The following ZNF804B variants were observed in gnomAD, a reference collection of about 807,000 sequenced individuals.
ZNF804B encodes the protein zinc finger protein 804B.
In ZNF804B, 80 loss-of-function variants were observed where a neutral mutation model predicts 101.4. That is an observed-to-expected ratio of 0.79 (90% CI 0.66 to 0.95). The LOEUF is 0.95. Ranked by LOEUF, ZNF804B falls within the 40% of genes least tolerant of loss-of-function variation. The pLI, the probability that ZNF804B is intolerant of heterozygous loss-of-function variation, is 0.00. For missense variants in ZNF804B, 1,673 were observed against 1,561.9 expected, an observed-to-expected ratio of 1.07 and a Z score of -1.20; for synonymous variants, 622 against 558.8, an observed-to-expected ratio of 1.11 and a Z score of -1.59.
intron 1 of ZNF804B, among the ~76,000 whole-genome samples, chr7:89,208,341 C>T (rs1377633280): frequency 2.6e-5 from 4 of 152,138 alleles, no homozygotes; most frequent in African/African-American, 9.7e-5. Context: ...CTTGGCCTCC[C>T]AGAGTGCTGG....
intron 1 of ZNF804B, among the ~76,000 whole-genome samples, chr7:88,854,455 C>CTT (rs1391710100): frequency 6.6e-5 from 8 of 121,762 alleles, no homozygotes; most frequent in African/African-American, 2.8e-4. Context: ...TTCTTTCTTT[C>CTT]TTTCTTTCTT....
intron 1 of ZNF804B, among the ~76,000 whole-genome samples, chr7:88,893,442 T>C (rs1792241703): frequency 6.6e-6 from 1 of 152,106 alleles, no homozygotes; most frequent in African/African-American, 2.4e-5. Context: ...TGTATGTATT[T>C]AATAAATACA....
intron 1 of ZNF804B, among the ~76,000 whole-genome samples, chr7:89,208,511 A>G (rs1788751838): frequency 6.6e-6 from 1 of 152,222 alleles, no homozygotes; most frequent in Non-Finnish European, 1.5e-5. Flanking sequence ...CTTCCATTAG[A>G]CAGATAAGCA....
chr7:89,130,542 A>G (rs1219248928), intron 1 of ZNF804B, among the ~76,000 whole-genome samples: 1 of 151,840 alleles, frequency 6.6e-6, no homozygotes, highest in Non-Finnish European at 1.5e-5. Flanking sequence ...TGAATCTTCT[A>G]TTTCTCCTTG....
intron 2 of ZNF804B, among the ~76,000 whole-genome samples, chr7:89,313,544 T>C (rs2115951057): frequency 6.6e-6 from 1 of 152,320 alleles, no homozygotes; most frequent in African/African-American, 2.4e-5. Context: ...ACATAGAGAC[T>C]TACTGGCCTG....
intron 1 of ZNF804B, among the ~76,000 whole-genome samples, chr7:88,795,353 T>TA (rs76094001): frequency 0.016 from 2,418 of 151,784 alleles, 53 homozygotes; most frequent in Admixed American, 0.044. Flanking sequence ...CTATAACTTT[T>TA]AAAAAAAAAT....
intron 1 of ZNF804B, among the ~76,000 whole-genome samples, chr7:89,107,354 T>G (rs904416959): frequency 2.6e-5 from 4 of 152,126 alleles, no homozygotes; most frequent in African/African-American, 4.8e-5. Context: ...CTAGATACAT[T>G]AGTAATAGTT....
chr7:89,177,878 TGA>T (rs1319358677), intron 1 of ZNF804B, among the ~76,000 whole-genome samples: 1 of 151,276 alleles, frequency 6.6e-6, no homozygotes, highest in Admixed American at 6.6e-5. Context: ...GAGCTTACAG[TGA>T]GCCGACACAG....
chr7:88,940,070 T>C (rs1403023374), intron 1 of ZNF804B, among the ~76,000 whole-genome samples: 1 of 152,044 alleles, frequency 6.6e-6, no homozygotes, highest in Non-Finnish European at 1.5e-5. Context: ...GAACTCTTTA[T>C]TCTTTTTAAG....
chr7:89,133,102 T>G (rs1790577101), intron 1 of ZNF804B, among the ~76,000 whole-genome samples: 1 of 151,906 alleles, frequency 6.6e-6, no homozygotes, highest in Admixed American at 6.6e-5. Flanking sequence ...ATTTACTGGA[T>G]GGGTTTGAAG....
intron 1 of ZNF804B, chr7:88,794,628 G>A (rs1471819486): frequency 5.6e-6 from 9 of 1,613,644 alleles, no homozygotes; most frequent in Non-Finnish European, 7.6e-6. Context: ...TGTAGAGAGT[G>A]TCGCTGGAGG....
intron 1 of ZNF804B, among the ~76,000 whole-genome samples, chr7:89,017,862 T>A (rs1187206431): frequency 6.6e-6 from 1 of 152,148 alleles, no homozygotes; most frequent in Non-Finnish European, 1.5e-5. Flanking sequence ...GTTGGTTGAT[T>A]TTTTTCTTCT....
In ZNF804B at chr7:88,947,368, A is replaced by G. The variant is rs567734507; in HGVS notation, c.108+187284A>G. Among the ~76,000 whole-genome samples the G allele has an allele frequency of 4.7e-4, 72 of 152,120 alleles. 1 individual carries two copies. In the South Asian group the frequency reaches 0.015, roughly 32 times the overall value. ...GGATGAATTCATGTCTTTTGCAGGG[A>G]CATGGATGAAGCTGGAAACCATGGT... On this transcript the variant is annotated intron_variant, in intron 1 of 3. Coordinates refer to ENST00000333190, the MANE Select transcript of ZNF804B (RefSeq NM_181646.5).
intron 1 of ZNF804B, among the ~76,000 whole-genome samples, chr7:89,017,675 T>C (rs1788591443): frequency 6.6e-6 from 1 of 152,188 alleles, no homozygotes; most frequent in African/African-American, 2.4e-5. Context: ...TCTGTTATTT[T>C]TGTGTGTTCA....
chr7:89,027,502 A>G (rs1051403716), intron 1 of ZNF804B, among the ~76,000 whole-genome samples: 1 of 152,200 alleles, frequency 6.6e-6, no homozygotes, highest in African/African-American at 2.4e-5. Flanking sequence ...TTTCCACCCT[A>G]CAAGAAGCTA....
At chr7:89,039,960 C>A (rs1296225182) in intron 1 of ZNF804B, among the ~76,000 whole-genome samples, 1 of 151,968 alleles carries the variant, frequency 6.6e-6, no homozygotes, top group East Asian at 1.9e-4. Flanking sequence ...TGATGATGAT[C>A]TGTTTATGTT....
At chr7:88,760,902 A>C (rs1221532109) in intron 1 of ZNF804B, among the ~76,000 whole-genome samples, 1 of 49,198 alleles carries the variant, frequency 2.0e-5, no homozygotes, top group East Asian at 8.2e-4. Context: ...TATATAATAA[A>C]TATATATATA....
chr7:89,243,832 T>A (rs1054249721), intron 2 of ZNF804B, among the ~76,000 whole-genome samples: 17 of 151,912 alleles, frequency 1.1e-4, no homozygotes, highest in Admixed American at 7.2e-4. Context: ...CAAAAGTTCA[T>A]GTGGTAAATA....
chr7:89,226,585 A>C (rs963896054), intron 2 of ZNF804B, among the ~76,000 whole-genome samples: 2 of 152,082 alleles, frequency 1.3e-5, no homozygotes, highest in African/African-American at 4.8e-5. Flanking sequence ...AATGTTTACT[A>C]TCCAATCACA....
Sources: gnomAD v4.1 joint callset for allele counts (sites outside exome capture counted in the v4.1 genomes callset) on GRCh38, gnomAD v4.1.1 for gene constraint, MANE v1.5 for transcripts, NCBI Gene and HGNC (gene_info 2026-07-23, HGNC 2026-07-21) for gene names.